UBE2O: variants seen among roughly 807,000 people sequenced by gnomAD.
The protein encoded by UBE2O is ubiquitin conjugating enzyme E2 O, also known as (E3-independent) E2 ubiquitin-conjugating enzyme.
UBE2O carries 15 observed loss-of-function variants against 125.8 expected under a neutral mutation model. The observed-to-expected ratio is 0.12, with a 90% confidence interval of 0.08 to 0.18. The LOEUF (loss-of-function observed/expected upper bound fraction) is 0.18. Ranked by LOEUF, UBE2O falls within the 10% of genes least tolerant of loss-of-function variation. UBE2O has a pLI of 1.00. For missense variants in UBE2O, 1,280 were observed against 1,723.6 expected, an observed-to-expected ratio of 0.74 and a Z score of 4.56; for synonymous variants, 708 against 703.2, an observed-to-expected ratio of 1.01 and a Z score of -0.11.
rs1444508490 is a variant in UBE2O at position 76,453,028 on chromosome 17, G to A, written c.114C>T (p.Pro38=). The A allele has an allele frequency of 2.8e-6, 4 of 1,439,388 alleles. No homozygotes were observed. Among genetic ancestry groups the A allele is most frequent in the Non-Finnish European group, 3.6e-6 (4 of 1,097,364 alleles). 89.2% of individuals were successfully genotyped at this position (1,439,388 alleles called of 1,614,324 possible). A position where few individuals can be genotyped will look rare whatever the true frequency, so the allele number is the denominator to read the frequency against. The change falls in exon 1 of 18, where the codon CCC becomes CCT. Residue 38 remains proline, a synonymous_variant. Coordinates refer to ENST00000319380, the MANE Select transcript of UBE2O (RefSeq NM_022066.4). The part of the protein sequence containing the change: ...PAAAPVPAPA[P]ASDSASGPSS... Reference sequence around the variant, plus strand: ...ACGGCCCGGAGGCCGAGTCCGAGGCGGGCGCCGGCGCCGGGACGGGGGCTG... The same window carrying A: ...ACGGCCCGGAGGCCGAGTCCGAGGCAGGCGCCGGCGCCGGGACGGGGGCTG...
At chr17:76,436,296 C>A (rs1055786460) in intron 1 of UBE2O, among the ~76,000 whole-genome samples, 4 of 151,978 alleles carry the variant, frequency 2.6e-5, no homozygotes, top group African/African-American at 9.7e-5. Flanking sequence ...ACTAGAACAG[C>A]CATCCACTGA....
rs370912660 is a variant in UBE2O, at chr17:76,401,053, G to C, written c.852C>G (p.Pro284=). 1.9e-6 allele frequency: 3 copies of C among 1,613,828 alleles called. No homozygotes were observed. The highest frequency in any genetic ancestry group is 1.7e-5 in the Admixed American group (1 of 60,022). Residue 284 remains proline (P), a synonymous_variant, in exon 6 of 18, where the codon CCC becomes CCG. Coordinates refer to ENST00000319380, the MANE Select transcript of UBE2O (RefSeq NM_022066.4). ...GGAACTTGCTCTTGGTGCTGAGCACGGGCTTGACACCTGACAGCCACTGGA... is the reference window on the plus strand; with the variant it reads ...GGAACTTGCTCTTGGTGCTGAGCACCGGCTTGACACCTGACAGCCACTGGA... The part of the protein sequence containing the change: ...SSVQWLSGVK[P]VLSTKSKFRV...
At chr17:76,433,292 C>T (rs1387990268) in intron 1 of UBE2O, among the ~76,000 whole-genome samples, 2 of 149,970 alleles carry the variant, frequency 1.3e-5, no homozygotes, top group African/African-American at 4.9e-5. Context: ...ATACATGCTA[C>T]AACATGGATG....
intron 1 of UBE2O, among the ~76,000 whole-genome samples, chr17:76,421,649 G>A (rs1488938665): frequency 6.6e-6 from 1 of 152,236 alleles, no homozygotes; most frequent in Non-Finnish European, 1.5e-5. Context: ...ACAGGCGTGA[G>A]CCACCACGCC....
At chr17:76,446,590 T>C (rs562329976) in intron 1 of UBE2O, among the ~76,000 whole-genome samples, 2 of 152,178 alleles carry the variant, frequency 1.3e-5, no homozygotes, top group South Asian at 2.1e-4. Flanking sequence ...GAACAGAAAC[T>C]GAAATTGAGG....
Position 76,410,290 on chromosome 17 carries a change from C to T in UBE2O, c.418-4718G>A, listed in dbSNP as rs1186072310. Among the ~76,000 whole-genome samples the T allele has an allele frequency of 6.6e-6, 1 of 151,938 alleles. No homozygotes were observed. The highest frequency in any genetic ancestry group is 6.6e-5 in the Admixed American group (1 of 15,226). Reference sequence around the variant, plus strand: ...GAGAGGGAGCACGGAGGCTGGTTAGCCCAGTGGTTCTCACCTAGGGGTAAT... The same window carrying T: ...GAGAGGGAGCACGGAGGCTGGTTAGTCCAGTGGTTCTCACCTAGGGGTAAT... On this transcript the variant is annotated intron_variant, in intron 1 of 17. Coordinates refer to ENST00000319380, the MANE Select transcript of UBE2O (RefSeq NM_022066.4). The surrounding 1 kb of genome is among the most constrained non-coding windows in gnomAD (Gnocchi z 4.0).
intron 1 of UBE2O, among the ~76,000 whole-genome samples, chr17:76,440,412 C>T (rs184935795): frequency 2.0e-5 from 3 of 152,320 alleles, no homozygotes; most frequent in Admixed American, 6.5e-5. Context: ...ATTGCCACCT[C>T]GACCGCCAGG....
intron 1 of UBE2O, among the ~76,000 whole-genome samples, chr17:76,430,096 C>T (rs2072880389): frequency 6.6e-6 from 1 of 152,188 alleles, no homozygotes; most frequent in Admixed American, 6.6e-5. Flanking sequence ...TTCTAAAGTG[C>T]TTTTCCTTGG....
chr17:76,420,039 C>T (rs988924791), intron 1 of UBE2O, among the ~76,000 whole-genome samples: 1 of 152,136 alleles, frequency 6.6e-6, no homozygotes, highest in African/African-American at 2.4e-5. Flanking sequence ...AAAGCTGCTG[C>T]CTCACTCCTG....
intron 1 of UBE2O, among the ~76,000 whole-genome samples, chr17:76,444,346 C>G (rs1043923700): frequency 1.3e-5 from 2 of 152,148 alleles, no homozygotes; most frequent in African/African-American, 4.8e-5. Context: ...GTCAGGAGTT[C>G]GAGACCAGCC....
intron 1 of UBE2O, among the ~76,000 whole-genome samples, chr17:76,426,300 C>A (rs1175321364): frequency 6.6e-6 from 1 of 152,152 alleles, no homozygotes; most frequent in African/African-American, 2.4e-5. Flanking sequence ...CATGCCCAGC[C>A]AAAAGAACTT....
chr17:76,434,529 A>C (rs926425901), intron 1 of UBE2O, among the ~76,000 whole-genome samples: 2 of 152,144 alleles, frequency 1.3e-5, no homozygotes, highest in Non-Finnish European at 2.9e-5. Flanking sequence ...CATGAAGAAA[A>C]AAGGATTCCA....
rs577578712 is a variant in UBE2O, at chr17:76,429,917, C to T, written c.417+22808G>A. On this transcript the variant is annotated intron_variant, in intron 1 of 17. Coordinates refer to ENST00000319380, the MANE Select transcript of UBE2O (RefSeq NM_022066.4). Reference sequence around the variant, plus strand: ...GTGCATAAGCCTCTGCTCTCTCACTCGCCAGCAAAGGGGATTGAGTATTTT... The same window carrying T: ...GTGCATAAGCCTCTGCTCTCTCACTTGCCAGCAAAGGGGATTGAGTATTTT... 3.3e-5 allele frequency among the ~76,000 whole-genome samples: 5 copies of T among 152,286 alleles called. No homozygotes were observed. In the South Asian group the frequency reaches 6.2e-4, roughly 19 times the overall value.
chr17:76,417,138 C>G (rs1049508618), intron 1 of UBE2O, among the ~76,000 whole-genome samples: 1 of 152,240 alleles, frequency 6.6e-6, no homozygotes, highest in Non-Finnish European at 1.5e-5. Flanking sequence ...GGCTACAGCT[C>G]CAGAGCTTGT....
In UBE2O at chr17:76,452,399, C is replaced by T. The variant is rs2073265018; in HGVS notation, c.417+326G>A. ...CGCCGCACTGGTGTAACGCCGAACG[C>T]GCCCCAGAACCTGAGTCCCCACGGG... On this transcript the variant is annotated intron_variant, in intron 1 of 17. Transcript: ENST00000319380. The surrounding 1 kb of genome is among the most constrained non-coding windows in gnomAD (Gnocchi z 4.4). 6.6e-6 allele frequency among the ~76,000 whole-genome samples: 1 copy of T among 152,170 alleles called. No homozygotes were observed. Among genetic ancestry groups the T allele is most frequent in the Non-Finnish European group, 1.5e-5 (1 of 68,028 alleles).
chr17:76,413,448 C>CA (rs997491806), intron 1 of UBE2O, among the ~76,000 whole-genome samples: 4 of 148,932 alleles, frequency 2.7e-5, no homozygotes, highest in South Asian at 2.1e-4. Flanking sequence ...CAACACTGGA[C>CA]AAAAAAAAAC....
At chr17:76,412,051 T>C (rs1385265667) in intron 1 of UBE2O, among the ~76,000 whole-genome samples, 1 of 152,146 alleles carries the variant, frequency 6.6e-6, no homozygotes, top group Non-Finnish European at 1.5e-5. Flanking sequence ...TCATGCCAAG[T>C]GCCCGCTGAG....
rs2072280715 is a variant in UBE2O at position 76,399,626 on chromosome 17, GCCT to G, written c.1448_1450del (p.Glu483del). 1 of 1,614,206 alleles carries G rather than the reference GCCT, an allele frequency of 6.2e-7. No individual in the cohort carries two copies. Among genetic ancestry groups the G allele is most frequent in the Non-Finnish European group, 8.5e-7 (1 of 1,180,032 alleles). ...ACTGGTGTCGTCCGTGTCATCAGCA[GCCT>G]CATCATCTGCGTCCTGCTCTGCCGA... On this transcript the variant is annotated inframe_deletion, in exon 9 of 18. Coordinates refer to ENST00000319380, the MANE Select transcript of UBE2O (RefSeq NM_022066.4). The surrounding 1 kb of genome is among the most constrained non-coding windows in gnomAD (Gnocchi z 6.9).
At chr17:76,425,980 G>A (rs1056478340) in intron 1 of UBE2O, among the ~76,000 whole-genome samples, 2 of 152,112 alleles carry the variant, frequency 1.3e-5, no homozygotes, top group African/African-American at 4.8e-5. Flanking sequence ...CCCCACAAGA[G>A]GTTCACAGGA....
Sources: allele counts gnomAD v4.1 joint callset (sites outside exome capture counted in the v4.1 genomes callset), GRCh38; gene constraint gnomAD v4.1.1; non-coding constraint Gnocchi (gnomAD v3.1); transcripts MANE v1.5; gene names NCBI Gene and HGNC (gene_info 2026-07-23, HGNC 2026-07-21).